The following ITPR1 variants were observed in gnomAD, a reference collection of about 807,000 sequenced individuals.
ITPR1 encodes the protein inositol 1,4,5-trisphosphate receptor type 1, also known as inositol 1,4,5-trisphosphate-gated calcium channel ITPR1.
ITPR1 carries 96 observed loss-of-function variants against 318.4 expected under a neutral mutation model. The ratio of observed to expected loss-of-function variants is 0.30; its 90% confidence interval spans 0.26 to 0.36. ITPR1 has a LOEUF of 0.36. Among genes scored for constraint, ITPR1 ranks in the 10% least tolerant of loss-of-function variants. The pLI, the probability that ITPR1 is intolerant of heterozygous loss-of-function variation, is 1.00. For missense variants in ITPR1, 2,440 were observed against 3,460.2 expected (o/e 0.71, Z 7.40); for synonymous variants, 1,312 against 1,289.9 (o/e 1.02, Z -0.37).
rs186389077 is a variant in ITPR1, at chr3:4,715,788, G to T, written c.5104-1579G>T. Among the ~76,000 whole-genome samples the T allele has an allele frequency of 7.1e-3, 1,085 of 152,258 alleles. 13 individuals are homozygous for T. Among genetic ancestry groups the T allele is most frequent in the African/African-American group, 0.025 (1,026 of 41,538 alleles). Reference sequence around the variant, plus strand: ...GAATTACTTGAACCCAGGAGGTGGAGGTTGTAGTGAGCCAAGATTGCACCA... The same window carrying T: ...GAATTACTTGAACCCAGGAGGTGGATGTTGTAGTGAGCCAAGATTGCACCA... On this transcript the variant is annotated intron_variant, in intron 39 of 61. Transcript: ENST00000649015.
At chr3:4,845,540 T>C (rs1259444751) in intron 61 of ITPR1, among the ~76,000 whole-genome samples, 3 of 152,252 alleles carry the variant, frequency 2.0e-5, no homozygotes, top group African/African-American at 7.2e-5. Flanking sequence ...CAGTGTCTAC[T>C]GGGTGGCAAG....
chr3:4,511,926 A>G (rs1421872297), intron 2 of ITPR1, among the ~76,000 whole-genome samples: 1 of 152,218 alleles, frequency 6.6e-6, no homozygotes, highest in Non-Finnish European at 1.5e-5. Context: ...CAGAGGGCAG[A>G]TGAATAGCAA....
Position 4,604,626 on chromosome 3 carries a change from C to T in ITPR1, c.164-23137C>T, listed in dbSNP as rs374653819. Among the ~76,000 whole-genome samples the T allele has an allele frequency of 7.8e-4, 118 of 152,170 alleles. 4 individuals carry two copies. The South Asian group carries it at 0.024, about 31-fold the overall frequency. ...GGAATTCATGACTCTTTCATGGACA[C>T]GCATGGGCCGTGTGTGAATGAACTG... On this transcript the variant is annotated intron_variant, in intron 4 of 61. Transcript: ENST00000649015.
At chr3:4,592,518 A>G (rs543530410) in intron 4 of ITPR1, among the ~76,000 whole-genome samples, 1 of 151,902 alleles carries the variant, frequency 6.6e-6, no homozygotes, top group Non-Finnish European at 1.5e-5. Context: ...TTCAGCTCAT[A>G]CAGGAATTAG....
At chr3:4,650,560 TTC>T (rs1345127176) in intron 10 of ITPR1, among the ~76,000 whole-genome samples, 2 of 152,020 alleles carry the variant, frequency 1.3e-5, no homozygotes, top group Admixed American at 6.6e-5. Flanking sequence ...GTAAAGATTT[TTC>T]TTTTTTATTT....
chr3:4,839,114 G>C (rs966099359), intron 61 of ITPR1, among the ~76,000 whole-genome samples: 2 of 152,170 alleles, frequency 1.3e-5, no homozygotes, highest in African/African-American at 4.8e-5. Flanking sequence ...GATCACCTGA[G>C]GTCAGGAGTT....
At chr3:4,707,332 C>T (rs772239985) in intron 37 of ITPR1, among the ~76,000 whole-genome samples, 3 of 152,202 alleles carry the variant, frequency 2.0e-5, no homozygotes, top group Non-Finnish European at 4.4e-5. Flanking sequence ...CGGTTGGACT[C>T]ATCTTGACAC....
At chr3:4,550,936 T>C (rs1192416652) in intron 4 of ITPR1, among the ~76,000 whole-genome samples, 1 of 151,566 alleles carries the variant, frequency 6.6e-6, no homozygotes, top group East Asian at 1.9e-4. Flanking sequence ...AAGATTGAGA[T>C]GACTCCACTA....
intron 60 of ITPR1, among the ~76,000 whole-genome samples, chr3:4,835,466 C>T (rs894313574): frequency 6.6e-6 from 1 of 152,138 alleles, no homozygotes; most frequent in African/African-American, 2.4e-5. Flanking sequence ...GTAGTTGTGA[C>T]AGAGACCAGG....
intron 4 of ITPR1, among the ~76,000 whole-genome samples, chr3:4,609,136 T>A (rs1351844188): frequency 7.4e-6 from 1 of 135,754 alleles, no homozygotes; most frequent in Non-Finnish European, 1.6e-5. Context: ...CCTCTTCTAA[T>A]CTAATCACCA....
At chr3:4,713,956 C>T (rs573259958) in intron 39 of ITPR1, among the ~76,000 whole-genome samples, 27 of 152,266 alleles carry the variant, frequency 1.8e-4, no homozygotes, top group African/African-American at 5.8e-4. Context: ...CAAGACTTGT[C>T]GTGCTTCTGG....
chr3:4,699,506 C>T (rs547097108), intron 34 of ITPR1, among the ~76,000 whole-genome samples: 1 of 152,346 alleles, frequency 6.6e-6, no homozygotes, highest in East Asian at 1.9e-4. Flanking sequence ...CCTGTAGTCA[C>T]TGTGCTTCTT....
chr3:4,592,870 A>G (rs2090500445), intron 4 of ITPR1, among the ~76,000 whole-genome samples: 1 of 152,160 alleles, frequency 6.6e-6, no homozygotes, highest in African/African-American at 2.4e-5. Flanking sequence ...AGTGAATTCC[A>G]TCCAAATACA....
intron 44 of ITPR1, among the ~76,000 whole-genome samples, chr3:4,746,871 G>A (rs185979249): frequency 2.0e-5 from 3 of 152,216 alleles, no homozygotes; most frequent in East Asian, 1.9e-4. Context: ...CCACTAACTC[G>A]CCCAAGGGTG....
At chr3:4,610,825 C>G (rs2092025872) in intron 4 of ITPR1, among the ~76,000 whole-genome samples, 1 of 151,748 alleles carries the variant, frequency 6.6e-6, no homozygotes, top group Non-Finnish European at 1.5e-5. Context: ...GGCAAATTTT[C>G]TTTTTCCTTC....
intron 60 of ITPR1, among the ~76,000 whole-genome samples, chr3:4,823,689 G>A (rs1443876244): frequency 1.3e-5 from 2 of 152,100 alleles, no homozygotes; most frequent in African/African-American, 4.8e-5. Context: ...AAGGAAAGGA[G>A]GAAGAGAAAT....
chr3:4,534,349 C>T (rs948871366), intron 4 of ITPR1, among the ~76,000 whole-genome samples: 1 of 151,696 alleles, frequency 6.6e-6, no homozygotes, highest in Non-Finnish European at 1.5e-5. Flanking sequence ...GTGGCGGCTA[C>T]TTCTATATTA....
chr3:4,785,547 C>T (rs1456576179), intron 51 of ITPR1, among the ~76,000 whole-genome samples: 1 of 137,024 alleles, frequency 7.3e-6, no homozygotes, highest in East Asian at 2.4e-4. Context: ...ATTAGCCAAC[C>T]ATGCCAGTGT....
intron 4 of ITPR1, among the ~76,000 whole-genome samples, chr3:4,522,012 CA>C (rs36061798): frequency 0.11 from 17,131 of 152,176 alleles, 1,028 homozygotes; most frequent in African/African-American, 0.13. Context: ...CTTTGAAATA[CA>C]CTTGGTATCT....
Sources: gnomAD v4.1 joint callset for allele counts (sites outside exome capture counted in the v4.1 genomes callset) on GRCh38, gnomAD v4.1.1 for gene constraint, MANE v1.5 for transcripts, NCBI Gene and HGNC (gene_info 2026-07-23, HGNC 2026-07-21) for gene names.